The following PAN3 variants were observed in gnomAD, a reference collection of about 807,000 sequenced individuals.
PAN3 encodes the protein poly(A) specific ribonuclease subunit PAN3, also known as PAN2-PAN3 deadenylation complex subunit PAN3.
Under a neutral mutation model 96.2 loss-of-function variants are expected in PAN3, and 19 were observed. That is an observed-to-expected ratio of 0.20 (90% CI 0.14 to 0.29). The LOEUF is 0.29. Among genes scored for constraint, PAN3 ranks in the 10% least tolerant of loss-of-function variants. The pLI, the probability that PAN3 is intolerant of heterozygous loss-of-function variation, is 1.00. For synonymous variants in PAN3, 433 were observed against 406.6 expected, an observed-to-expected ratio of 1.06 and a Z score of -0.78; for missense variants, 882 against 1,108.1, an observed-to-expected ratio of 0.80 and a Z score of 2.90.
Position 28,294,132 on chromosome 13 carries a change from T to C in PAN3, c.*1610T>C, listed in dbSNP as rs1351310195. The stretch of plus-strand genomic sequence containing the variant: ...AGCTTTGAAGACTAGAGACACGCTT[T>C]ACACGTTTTAACAAGTATATTGAGT... On this transcript the variant is annotated 3_prime_UTR_variant, in exon 19 of 19. Coordinates refer to ENST00000380958, the MANE Select transcript of PAN3 (RefSeq NM_175854.8). 6.5e-6 allele frequency: 1 copy of C among 152,694 alleles called. No homozygotes were observed. Among genetic ancestry groups the C allele is most frequent in the Non-Finnish European group, 1.5e-5 (1 of 68,040 alleles). The allele number at this position is 152,694 out of a possible 1,614,324, so 9.5% of individuals were successfully genotyped here. A position where few individuals can be genotyped will look rare whatever the true frequency, so the allele number is the denominator to read the frequency against.
rs1007189557 is a variant in PAN3, at chr13:28,166,058, A to G, written c.431-8214A>G. Among the ~76,000 whole-genome samples, 9 of 152,282 alleles carry G rather than the reference A, an allele frequency of 5.9e-5. No individual in the cohort carries two copies. In the South Asian group the frequency reaches 8.3e-4, roughly 14 times the overall value. On this transcript the variant is annotated intron_variant, in intron 1 of 18. Coordinates refer to ENST00000380958, the MANE Select transcript of PAN3 (RefSeq NM_175854.8). ...TAAATCCTTGTCTTTGTCACATGCA[A>G]AAAACATTAATTCTATCCCAGTAGT...
chr13:28,174,491 G>A lies in PAN3; in HGVS notation c.552+98G>A, dbSNP rs1255657799. 5.1e-6 allele frequency: 7 copies of A among 1,373,550 alleles called. No individual in the cohort carries two copies. The East Asian group carries it at 1.3e-4, about 25-fold the overall frequency. 85.1% of individuals were successfully genotyped at this position (1,373,550 alleles called of 1,614,324 possible). ...TATTCCTACATTTGTTGAGTGGGAGGTGAGATTTTAGGAGGCAGTGAGATG... is the reference window on the plus strand; with the variant it reads ...TATTCCTACATTTGTTGAGTGGGAGATGAGATTTTAGGAGGCAGTGAGATG... On this transcript the variant is annotated intron_variant, in intron 2 of 18. Transcript: ENST00000380958.
chr13:28,278,193 G>A (rs1017473471), intron 15 of PAN3, among the ~76,000 whole-genome samples: 2 of 152,188 alleles, frequency 1.3e-5, no homozygotes, highest in African/African-American at 4.8e-5. Context: ...CAGCCCTGGG[G>A]TATGAATTGG....
intron 5 of PAN3, chr13:28,215,234 T>A: frequency 2.8e-6 from 2 of 712,950 alleles, no homozygotes; most frequent in East Asian, 2.5e-5. Flanking sequence ...CACTAGCTTG[T>A]CCAACTGACA....
intron 1 of PAN3, among the ~76,000 whole-genome samples, chr13:28,171,332 C>T (rs1044981226): frequency 6.6e-6 from 1 of 152,140 alleles, no homozygotes; most frequent in African/African-American, 2.4e-5. Context: ...TTTTTTCCCA[C>T]ACCAGCCAAT....
At chr13:28,268,859 A>G (rs1040510591) in intron 12 of PAN3, among the ~76,000 whole-genome samples, 5 of 152,064 alleles carry the variant, frequency 3.3e-5, no homozygotes, top group Non-Finnish European at 7.4e-5. Flanking sequence ...TTGTGGTTAC[A>G]TGGCTGTTTC....
At chr13:28,141,818 A>G (rs556652753) in intron 1 of PAN3, among the ~76,000 whole-genome samples, 23 of 152,280 alleles carry the variant, frequency 1.5e-4, no homozygotes, top group Admixed American at 3.3e-4. Context: ...AGAGGACAGG[A>G]TGTAAGCAGA....
At chr13:28,207,314 A>G (rs936116947) in intron 5 of PAN3, among the ~76,000 whole-genome samples, 1 of 152,192 alleles carries the variant, frequency 6.6e-6, no homozygotes, top group Non-Finnish European at 1.5e-5. Context: ...GTTATAATGT[A>G]GATCCACCTT....
At chr13:28,163,207 A>C (rs903215924) in intron 1 of PAN3, among the ~76,000 whole-genome samples, 1 of 152,212 alleles carries the variant, frequency 6.6e-6, no homozygotes, top group East Asian at 1.9e-4. Flanking sequence ...AAATAAATTC[A>C]AAACAAAACA....
chr13:28,138,967 G>A lies in PAN3; in HGVS notation c.310G>A (p.Ala104Thr). 1 of 1,283,884 alleles carries A rather than the reference G, an allele frequency of 7.8e-7. No individual in the cohort carries two copies. Among genetic ancestry groups the A allele is most frequent in the Non-Finnish European group, 9.8e-7 (1 of 1,015,894 alleles). 79.5% of individuals were successfully genotyped at this position (1,283,884 alleles called of 1,614,324 possible). ...PVAGFPPGAVAGGGAGPPPGP... is the reference protein window; with the variant it reads ...PVAGFPPGAVTGGGAGPPPGP... Reference sequence around the variant, plus strand: ...GGCCGGCTTTCCGCCGGGAGCCGTCGCGGGCGGGGGAGCTGGGCCGCCCCC... The same window carrying A: ...GGCCGGCTTTCCGCCGGGAGCCGTCACGGGCGGGGGAGCTGGGCCGCCCCC... The change falls in exon 1 of 19, where the codon GCG becomes ACG. Residue 104 changes from alanine (A) to threonine (T), a missense_variant. By Grantham distance (58) the Ala-to-Thr change is moderately conservative. Coordinates refer to ENST00000380958, the MANE Select transcript of PAN3 (RefSeq NM_175854.8).
Position 28,216,779 on chromosome 13 carries a change from G to A in PAN3, c.853-3452G>A, listed in dbSNP as rs117029559. ...TGAAATGTTACATATCTTACGTTCC[G>A]TTATCATTCAACAGAAACTTCTTGT... On this transcript the variant is annotated intron_variant, in intron 5 of 18. Coordinates refer to ENST00000380958, the MANE Select transcript of PAN3 (RefSeq NM_175854.8). Among the ~76,000 whole-genome samples, 46 of 151,398 alleles carry A rather than the reference G, an allele frequency of 3.0e-4. No homozygotes were observed. In the East Asian group the frequency reaches 6.8e-3, roughly 22 times the overall value.
intron 6 of PAN3, among the ~76,000 whole-genome samples, chr13:28,222,169 G>C (rs925686417): frequency 6.6e-6 from 1 of 152,030 alleles, no homozygotes; most frequent in African/African-American, 2.4e-5. Flanking sequence ...AAATATTAAA[G>C]GGAATTTTAA....
At chr13:28,276,468 T>C (rs45532738) in intron 14 of PAN3, among the ~76,000 whole-genome samples, 38 of 152,318 alleles carry the variant, frequency 2.5e-4, no homozygotes, top group African/African-American at 8.7e-4. Context: ...CCTGGAGTTA[T>C]AATAGGTGAT....
At chr13:28,183,422 C>T (rs1876056753) in intron 4 of PAN3, among the ~76,000 whole-genome samples, 1 of 152,170 alleles carries the variant, frequency 6.6e-6, no homozygotes, top group South Asian at 2.1e-4. Flanking sequence ...GCTCTGAAAT[C>T]ACTAAACATT....
intron 6 of PAN3, among the ~76,000 whole-genome samples, chr13:28,221,273 C>T (rs894971783): frequency 2.2e-4 from 34 of 151,652 alleles, no homozygotes; most frequent in Admixed American, 1.7e-3. Context: ...TTATGTTTGT[C>T]GAATGTTTGA....
intron 4 of PAN3, among the ~76,000 whole-genome samples, chr13:28,181,394 C>T (rs1246208733): frequency 6.6e-6 from 1 of 150,688 alleles, no homozygotes; most frequent in African/African-American, 2.4e-5. Flanking sequence ...CCTGTAGTCA[C>T]AGCTACTCGG....
intron 4 of PAN3, among the ~76,000 whole-genome samples, chr13:28,185,443 T>C (rs1876330942): frequency 1.3e-5 from 2 of 152,142 alleles, no homozygotes; most frequent in Admixed American, 1.3e-4. Context: ...AAGTGTGAGG[T>C]TCAACCATGT....
chr13:28,272,986 T>A (rs1190458042), intron 14 of PAN3, among the ~76,000 whole-genome samples: 1 of 152,232 alleles, frequency 6.6e-6, no homozygotes, highest in Non-Finnish European at 1.5e-5. Flanking sequence ...ATGGATTATA[T>A]TAAATGACAC....
At chr13:28,190,773 G>A (rs1263701423) in intron 4 of PAN3, among the ~76,000 whole-genome samples, 1 of 152,054 alleles carries the variant, frequency 6.6e-6, no homozygotes, top group Non-Finnish European at 1.5e-5. Flanking sequence ...AGAATAGCAC[G>A]GGGGAAACCA....
Sources: gnomAD v4.1 joint callset for allele counts (sites outside exome capture counted in the v4.1 genomes callset) on GRCh38, gnomAD v4.1.1 for gene constraint, MANE v1.5 for transcripts, NCBI Gene and HGNC (gene_info 2026-07-23, HGNC 2026-07-21) for gene names.